The following CSNK2A2IP variants were observed in gnomAD, a reference collection of about 807,000 sequenced individuals.
The protein encoded by CSNK2A2IP is casein kinase 2 subunit alpha' interacting protein, also known as casein kinase II subunit alpha'-interacting protein.
At chr3:88,372,711 T>A in the CSNK2A2IP span, among the ~76,000 whole-genome samples, 5 of 151,424 alleles carry the variant, frequency 3.3e-5, no homozygotes, top group Non-Finnish European at 7.4e-5. Flanking sequence ...CCCACATATA[T>A]CTTGCCTACG....
At chr3:88,390,932 T>G in the CSNK2A2IP span, among the ~76,000 whole-genome samples, 2 of 152,196 alleles carry the variant, frequency 1.3e-5, no homozygotes, top group African/African-American at 4.8e-5. Context: ...ATTAAAAACA[T>G]TGGCGCTTAT....
the CSNK2A2IP span, among the ~76,000 whole-genome samples, chr3:88,448,722 A>C: frequency 4.9e-4 from 75 of 152,344 alleles, no homozygotes; most frequent in African/African-American, 1.8e-3. Flanking sequence ...GTCTACTCAC[A>C]GCGAACCTGC....
At chr3:88,422,367 A>G in the CSNK2A2IP span, among the ~76,000 whole-genome samples, 1 of 152,172 alleles carries the variant, frequency 6.6e-6, no homozygotes, top group Non-Finnish European at 1.5e-5. Context: ...TCTGGTGCCT[A>G]TCACAGGGCC....
At chr3:88,394,877 T>C in the CSNK2A2IP span, among the ~76,000 whole-genome samples, 1 of 152,132 alleles carries the variant, frequency 6.6e-6, no homozygotes, top group Admixed American at 6.6e-5. Context: ...TGGGGTCTAC[T>C]TGAGAGAGGA....
chr3:88,425,974 A>C, the CSNK2A2IP span, among the ~76,000 whole-genome samples: 1 of 152,186 alleles, frequency 6.6e-6, no homozygotes. Context: ...TTTATTCTAC[A>C]TACATAATTT....
chr3:88,433,989 T>C, the CSNK2A2IP span, among the ~76,000 whole-genome samples: 1 of 152,172 alleles, frequency 6.6e-6, no homozygotes, highest in African/African-American at 2.4e-5. Context: ...TGTTAAAAAA[T>C]GTGTTATTTT....
chr3:88,417,994 T>C, the CSNK2A2IP span, among the ~76,000 whole-genome samples: 1 of 152,212 alleles, frequency 6.6e-6, no homozygotes, highest in African/African-American at 2.4e-5. Flanking sequence ...AAAATGTATA[T>C]TAATCACAGC....
chr3:88,425,196 A>G, the CSNK2A2IP span, among the ~76,000 whole-genome samples: 3 of 152,094 alleles, frequency 2.0e-5, no homozygotes, highest in Non-Finnish European at 2.9e-5. Context: ...AAGAGCAACA[A>G]CTATATTACA....
At chr3:88,353,819 T>A in the CSNK2A2IP span, among the ~76,000 whole-genome samples, 18 of 152,176 alleles carry the variant, frequency 1.2e-4, no homozygotes, top group Non-Finnish European at 1.6e-4. Flanking sequence ...GTTGAAATCT[T>A]GACTTTTGTA....
At chr3:88,420,716 G>A in the CSNK2A2IP span, among the ~76,000 whole-genome samples, 5 of 152,158 alleles carry the variant, frequency 3.3e-5, no homozygotes, top group Admixed American at 2.6e-4. Context: ...CAGACTAAGG[G>A]TTATGTCTTT....
chr3:88,456,680 C>A, the CSNK2A2IP span, among the ~76,000 whole-genome samples: 3 of 146,258 alleles, frequency 2.1e-5, no homozygotes, highest in African/African-American at 7.6e-5. Flanking sequence ...TTCAGATGTG[C>A]ATCCAATTCT....
the CSNK2A2IP span, among the ~76,000 whole-genome samples, chr3:88,418,357 C>A: frequency 6.6e-6 from 1 of 152,066 alleles, no homozygotes; most frequent in Non-Finnish European, 1.5e-5. Context: ...GCACTCTCCA[C>A]ACAAGAGTAA....
chr3:88,381,722 C>T, the CSNK2A2IP span, among the ~76,000 whole-genome samples: 505 of 152,256 alleles, frequency 3.3e-3, 2 homozygotes, highest in African/African-American at 0.012. Context: ...CACAATTTAA[C>T]GCTGAGAGAT....
At chr3:88,446,263 T>A in the CSNK2A2IP span, among the ~76,000 whole-genome samples, 1 of 152,002 alleles carries the variant, frequency 6.6e-6, no homozygotes, top group Admixed American at 6.6e-5. Context: ...TAATTTTTTG[T>A]GTCTTTAGTA....
At chr3:88,434,561 C>G in the CSNK2A2IP span, among the ~76,000 whole-genome samples, 2 of 152,074 alleles carry the variant, frequency 1.3e-5, no homozygotes, top group Non-Finnish European at 1.5e-5. Context: ...TCCTAGGCCT[C>G]GACCAAGCAT....
chr3:88,390,883 C>T, the CSNK2A2IP span, among the ~76,000 whole-genome samples: 1 of 152,108 alleles, frequency 6.6e-6, no homozygotes, highest in African/African-American at 2.4e-5. Context: ...GGTATTAATA[C>T]AATTATTTTA....
the CSNK2A2IP span, among the ~76,000 whole-genome samples, chr3:88,372,374 C>T: frequency 6.6e-6 from 1 of 151,260 alleles, no homozygotes; most frequent in African/African-American, 2.4e-5. Context: ...TTAAATGAAA[C>T]TATATTGTTA....
the CSNK2A2IP span, among the ~76,000 whole-genome samples, chr3:88,368,273 A>T: frequency 6.6e-6 from 1 of 151,968 alleles, no homozygotes; most frequent in Non-Finnish European, 1.5e-5. Context: ...TTTGCCTTCA[A>T]GCAGGTGACA....
chr3:88,390,739 T>C, the CSNK2A2IP span, among the ~76,000 whole-genome samples: 23 of 152,170 alleles, frequency 1.5e-4, no homozygotes, highest in African/African-American at 5.6e-4. Context: ...AGTGCAGCAA[T>C]ATAAGTATCC....
Sources: allele counts gnomAD v4.1 joint callset (sites outside exome capture counted in the v4.1 genomes callset), GRCh38; gene constraint gnomAD v4.1.1; transcripts MANE v1.5; gene names NCBI Gene and HGNC (gene_info 2026-07-23, HGNC 2026-07-21).